The following LRRC28 variants were observed in gnomAD, a reference collection of about 807,000 sequenced individuals.
LRRC28 encodes leucine rich repeat containing 28.
In LRRC28, 39 loss-of-function variants were observed where a neutral mutation model predicts 45.7. The observed-to-expected ratio is 0.85, with a 90% CI of 0.66 to 1.12. The LOEUF is 1.12. LRRC28 is among the 50% of genes most tolerant of loss of function. The pLI is 0.00. For synonymous variants in LRRC28, 206 were observed against 178.8 expected (o/e 1.15, Z -1.22); for missense variants, 435 against 438.5 (o/e 0.99, Z 0.07).
At chr15:99,302,687 C>T (rs1463024833) in intron 5 of LRRC28, among the ~76,000 whole-genome samples, 1 of 152,202 alleles carries the variant, frequency 6.6e-6, no homozygotes, top group African/African-American at 2.4e-5. Context: ...AGACTTCCGT[C>T]ATTGCAAAAA....
chr15:99,296,982 C>G (rs1413797944), intron 5 of LRRC28, among the ~76,000 whole-genome samples: 1 of 152,018 alleles, frequency 6.6e-6, no homozygotes, highest in Non-Finnish European at 1.5e-5. Flanking sequence ...CAATCTGCCT[C>G]AGCTTGCTAG....
intron 2 of LRRC28, chr15:99,258,513 G>A: frequency 2.7e-6 from 2 of 751,038 alleles, no homozygotes; most frequent in Non-Finnish European, 4.9e-6. Flanking sequence ...AGAAGCAGCA[G>A]CAAAAGAAGA....
At chr15:99,266,434 T>G (rs2081334330) in intron 2 of LRRC28, among the ~76,000 whole-genome samples, 1 of 151,584 alleles carries the variant, frequency 6.6e-6, no homozygotes, top group African/African-American at 2.4e-5. Flanking sequence ...AGCCCAGGAG[T>G]TTGAGACCAG....
At chr15:99,312,459 A>G (rs1414433175) in intron 5 of LRRC28, among the ~76,000 whole-genome samples, 9 of 152,200 alleles carry the variant, frequency 5.9e-5, no homozygotes, top group East Asian at 1.9e-4. Flanking sequence ...GTCATCGCCT[A>G]TGATAACAAT....
At chr15:99,302,317 G>A (rs1237613887) in intron 5 of LRRC28, among the ~76,000 whole-genome samples, 3 of 152,040 alleles carry the variant, frequency 2.0e-5, no homozygotes, top group East Asian at 1.9e-4. Context: ...TTGAGCCACC[G>A]CACCTGGCCA....
intron 6 of LRRC28, among the ~76,000 whole-genome samples, chr15:99,341,534 T>G (rs1956512390): frequency 6.6e-6 from 1 of 152,198 alleles, no homozygotes; most frequent in Non-Finnish European, 1.5e-5. Flanking sequence ...ACTATGCTAA[T>G]GTATGAAGAG....
rs192656535 is a variant in LRRC28 at position 99,368,082 on chromosome 15, A to G, written c.1031+4817A>G. 1.5e-3 allele frequency among the ~76,000 whole-genome samples: 228 copies of G among 152,264 alleles called. 3 individuals are homozygous for G. The highest frequency in any genetic ancestry group is 5.9e-5 in the Non-Finnish European group (4 of 68,030). ...CAGGAAACAGGGTCTAAGACTAAAT[A>G]TATATTTCACAATACCACATCCCCC... On this transcript the variant is annotated intron_variant, in intron 9 of 9. Coordinates refer to ENST00000301981, the MANE Select transcript of LRRC28 (RefSeq NM_144598.5).
chr15:99,259,299 G>T, intron 2 of LRRC28: 1 of 1,147,438 alleles, frequency 8.7e-7, no homozygotes, highest in Non-Finnish European at 1.3e-6. Flanking sequence ...CTGAAAAGGG[G>T]CTATGAAGTT....
rs77263202 is a variant in LRRC28, at chr15:99,282,392, T to C, written c.210-4865T>C. 5.9e-5 allele frequency among the ~76,000 whole-genome samples: 9 copies of C among 152,112 alleles called. No individual in the cohort carries two copies. In the East Asian group the frequency reaches 1.5e-3, roughly 26 times the overall value. ...CTTACTTCCTTTCTCTTAGGGAATG[T>C]AGTCCTAGTTGCCTTTGTTAATATC... On this transcript the variant is annotated intron_variant, in intron 3 of 9. Coordinates refer to ENST00000301981, the MANE Select transcript of LRRC28 (RefSeq NM_144598.5).
intron 5 of LRRC28, among the ~76,000 whole-genome samples, chr15:99,294,305 ATTC>A (rs2082208453): frequency 6.6e-6 from 1 of 151,494 alleles, no homozygotes; most frequent in Non-Finnish European, 1.5e-5. Flanking sequence ...ATAATTTGGT[ATTC>A]TTCTACAGGT....
intron 5 of LRRC28, among the ~76,000 whole-genome samples, chr15:99,302,684 C>T (rs1375609750): frequency 1.3e-5 from 2 of 152,166 alleles, no homozygotes; most frequent in African/African-American, 2.4e-5. Flanking sequence ...AGAAGACTTC[C>T]GTCATTGCAA....
rs180740032 is a variant in LRRC28 at position 99,368,990 on chromosome 15, C to G, written c.1031+5725C>G. 2.6e-4 allele frequency among the ~76,000 whole-genome samples: 40 copies of G among 152,328 alleles called. No homozygotes were observed. In the South Asian group the frequency reaches 3.5e-3, roughly 13 times the overall value. On this transcript the variant is annotated intron_variant, in intron 9 of 9. Transcript: ENST00000301981. ...AGCCAAATATCCAAGTTATCACTTA[C>G]AAATTCTGCTTTCCATCCAACAGAA...
intron 2 of LRRC28, among the ~76,000 whole-genome samples, chr15:99,268,447 G>A (rs943377942): frequency 2.0e-5 from 3 of 152,108 alleles, no homozygotes; most frequent in African/African-American, 4.8e-5. Flanking sequence ...TTGTGTACTC[G>A]AAGGGTGTTA....
intron 5 of LRRC28, among the ~76,000 whole-genome samples, chr15:99,325,713 T>A (rs1040135086): frequency 6.6e-6 from 1 of 152,206 alleles, no homozygotes. Context: ...TGTATTACAT[T>A]GATTTTTCAG....
At chr15:99,277,147 ATATCT>A (rs1054991934) in intron 3 of LRRC28, among the ~76,000 whole-genome samples, 2 of 152,004 alleles carry the variant, frequency 1.3e-5, no homozygotes, top group African/African-American at 4.8e-5. Flanking sequence ...ACAAATTTAG[ATATCT>A]TATATTTCTC....
chr15:99,327,851 C>A (rs1164304672), intron 5 of LRRC28, among the ~76,000 whole-genome samples: 1 of 152,078 alleles, frequency 6.6e-6, no homozygotes, highest in Non-Finnish European at 1.5e-5. Flanking sequence ...GCATTCGAAG[C>A]TTTAAATCTC....
chr15:99,358,849 G>A (rs907802250), intron 7 of LRRC28, among the ~76,000 whole-genome samples: 3 of 152,042 alleles, frequency 2.0e-5, no homozygotes, highest in Admixed American at 6.6e-5. Flanking sequence ...AAGCCGAGGC[G>A]GGCCAATCAC....
At chr15:99,339,735 G>T (rs964163527) in intron 6 of LRRC28, among the ~76,000 whole-genome samples, 2 of 151,028 alleles carry the variant, frequency 1.3e-5, no homozygotes, top group African/African-American at 2.4e-5. Flanking sequence ...AAAAGCGATT[G>T]AATTTGTAAT....
At chr15:99,341,490 T>C (rs1483014009) in intron 6 of LRRC28, among the ~76,000 whole-genome samples, 2 of 152,188 alleles carry the variant, frequency 1.3e-5, no homozygotes, top group African/African-American at 2.4e-5. Context: ...GATTATTTCA[T>C]GTGGCTTCTG....
Sources: gnomAD v4.1 joint callset for allele counts (sites outside exome capture counted in the v4.1 genomes callset) on GRCh38, gnomAD v4.1.1 for gene constraint, MANE v1.5 for transcripts, NCBI Gene and HGNC (gene_info 2026-07-23, HGNC 2026-07-21) for gene names.